Variants in TTC1 observed in about 807,000 individuals in gnomAD.
The protein encoded by TTC1 is tetratricopeptide repeat protein 1.
Under a neutral mutation model 37.6 loss-of-function variants are expected in TTC1, and 31 were observed. The ratio of observed to expected loss-of-function variants is 0.82; its 90% confidence interval spans 0.62 to 1.11. TTC1 has a LOEUF of 1.11. TTC1 is among the 50% of genes most tolerant of loss of function. The pLI, the probability that TTC1 is intolerant of heterozygous loss-of-function variation, is 0.00. For synonymous variants in TTC1, 127 were observed against 122.4 expected (o/e 1.04, Z -0.25); for missense variants, 351 against 339.0 (o/e 1.04, Z -0.28).
At chr5:160,046,992 A>G (rs886659359) in intron 5 of TTC1, among the ~76,000 whole-genome samples, 1 of 152,242 alleles carries the variant, frequency 6.6e-6, no homozygotes, top group Non-Finnish European at 1.5e-5. Context: ...AGCCTGGGTG[A>G]CAGAGCAAGA....
At position 160,012,185 on chromosome 5, in the gene TTC1, T is replaced by C. The variant is rs1293945702; in HGVS notation, c.330+1327T>C. On this transcript the variant is annotated intron_variant, in intron 2 of 7. Coordinates refer to ENST00000231238, the MANE Select transcript of TTC1 (RefSeq NM_003314.3). ...TATGTTAAAAAGTTAGTAGTGCTTT[T>C]CTGATACCTTAATATATTTTGCCCT... is the stretch of plus-strand genomic sequence containing the variant. Among the ~76,000 whole-genome samples the C allele has an allele frequency of 2.0e-5, 3 of 152,184 alleles. No individual in the cohort carries two copies. The East Asian group carries it at 5.8e-4, about 29-fold the overall frequency.
Position 160,015,589 on chromosome 5 carries a change from G to T in TTC1, c.330+4731G>T, listed in dbSNP as rs1045821521. Among the ~76,000 whole-genome samples the T allele has an allele frequency of 3.3e-5, 5 of 152,198 alleles. No homozygotes were observed. The South Asian group carries it at 6.2e-4, about 19-fold the overall frequency. Reference sequence around the variant, plus strand: ...GTGTTAAGAGGGTAGCACCCAGAGAGGGCGTGGCAGCTCTGCACCCCTTCT... The same window carrying T: ...GTGTTAAGAGGGTAGCACCCAGAGATGGCGTGGCAGCTCTGCACCCCTTCT... On this transcript the variant is annotated intron_variant, in intron 2 of 7. Transcript: ENST00000231238.
intron 2 of TTC1, among the ~76,000 whole-genome samples, chr5:160,015,171 G>A (rs752289518): frequency 1.3e-5 from 2 of 152,166 alleles, no homozygotes; most frequent in African/African-American, 2.4e-5. Flanking sequence ...TCCAGGAAAG[G>A]AGGAGGGCAA....
intron 2 of TTC1, among the ~76,000 whole-genome samples, chr5:160,028,036 A>C (rs1427167590): frequency 6.6e-6 from 1 of 152,138 alleles, no homozygotes; most frequent in Non-Finnish European, 1.5e-5. Context: ...GCGGTGGCTC[A>C]TGCCTTTAAT....
intron 2 of TTC1, among the ~76,000 whole-genome samples, chr5:160,032,682 CCTT>C (rs986338033): frequency 2.0e-5 from 3 of 147,502 alleles, no homozygotes; most frequent in Admixed American, 6.9e-5. Flanking sequence ...AACAGAGCCT[CCTT>C]GAGTTCTACC....
At position 160,035,150 on chromosome 5, in the gene TTC1, AAG is replaced by A; in HGVS notation, c.346_347del (p.Ser116HisfsTer2). ...TCTGATGTCTTTCAGAAAAGAAGAG[AAG>A]AGAGCACTAGACTAAAGGAGGAGGG... On this transcript the variant is annotated frameshift_variant, in exon 3 of 8. Coordinates refer to ENST00000231238, the MANE Select transcript of TTC1 (RefSeq NM_003314.3). LOFTEE classifies it high-confidence loss of function. 1.2e-6 allele frequency: 2 copies of A among 1,600,234 alleles called. No individual in the cohort carries two copies. Among genetic ancestry groups the A allele is most frequent in the Non-Finnish European group, 1.7e-6 (2 of 1,175,278 alleles).
At chr5:160,027,716 A>T (rs1378358721) in intron 2 of TTC1, among the ~76,000 whole-genome samples, 1 of 152,062 alleles carries the variant, frequency 6.6e-6, no homozygotes, top group Non-Finnish European at 1.5e-5. Context: ...CTTCATCTTG[A>T]GGTAGTTTTG....
rs140239238 is a variant in TTC1, at chr5:160,034,932, T to C, written c.331-208T>C. 4.4e-3 allele frequency among the ~76,000 whole-genome samples: 671 copies of C among 152,252 alleles called. 1 individual carries two copies. The highest frequency in any genetic ancestry group is 7.1e-3 in the Non-Finnish European group (484 of 68,028). ...TGCCAAGAAGACCTACATTTTTTGT[T>C]TTAAACATCAAGAATGCAATTGATA... On this transcript the variant is annotated intron_variant, in intron 2 of 7. Coordinates refer to ENST00000231238, the MANE Select transcript of TTC1 (RefSeq NM_003314.3).
Position 160,024,025 on chromosome 5 carries a change from C to T in TTC1, c.331-11115C>T, listed in dbSNP as rs977346532. Reference sequence around the variant, plus strand: ...TTGCAAAGTGGCCTTTACAGCCACACTTCTTGCAGGTAGTGTTCAATCAAT... The same window carrying T: ...TTGCAAAGTGGCCTTTACAGCCACATTTCTTGCAGGTAGTGTTCAATCAAT... On this transcript the variant is annotated intron_variant, in intron 2 of 7. Transcript: ENST00000231238. The T allele has an allele frequency of 1.7e-5, 24 of 1,388,514 alleles. No homozygotes were observed. In the Admixed American group the frequency reaches 2.2e-4, roughly 13 times the overall value. 86.0% of individuals were successfully genotyped at this position (1,388,514 alleles called of 1,614,324 possible).
chr5:160,045,497 CACACACACACACACACAT>C (rs1261063999), intron 5 of TTC1, among the ~76,000 whole-genome samples: 8 of 114,902 alleles, frequency 7.0e-5, no homozygotes, highest in South Asian at 3.1e-4. Context: ...CACACACACA[CACACACACACACACACAT>C]ACACACTCTC....
intron 1 of TTC1, among the ~76,000 whole-genome samples, chr5:160,009,985 T>G (rs1025141108): frequency 3.3e-5 from 5 of 152,234 alleles, no homozygotes; most frequent in African/African-American, 1.2e-4. Context: ...AGATTAGGGC[T>G]GCTTCCTTTT....
intron 4 of TTC1, among the ~76,000 whole-genome samples, chr5:160,037,445 G>C (rs1469600690): frequency 6.6e-6 from 1 of 152,202 alleles, no homozygotes; most frequent in Non-Finnish European, 1.5e-5. Flanking sequence ...GCCAGATGCA[G>C]TGGCTCACAC....
At chr5:160,045,547 CT>C (rs1384960607) in intron 5 of TTC1, among the ~76,000 whole-genome samples, 7 of 146,620 alleles carry the variant, frequency 4.8e-5, no homozygotes, top group African/African-American at 1.8e-4. Flanking sequence ...CTCTCTCTCT[CT>C]CTCTCCCCCT....
intron 2 of TTC1, among the ~76,000 whole-genome samples, chr5:160,025,705 G>A (rs1254595028): frequency 6.6e-6 from 1 of 152,204 alleles, no homozygotes; most frequent in Non-Finnish European, 1.5e-5. Context: ...CCACACCTGT[G>A]GAAGACAGTA....
At position 160,035,195 on chromosome 5, in the gene TTC1, A is replaced by G. The variant is rs1355278732; in HGVS notation, c.386A>G (p.Lys129Arg). 1 of 1,605,674 alleles carries G rather than the reference A, an allele frequency of 6.2e-7. No homozygotes were observed. Among genetic ancestry groups the G allele is most frequent in the African/African-American group, 1.3e-5 (1 of 74,430 alleles). ...LKEEGNEQFK[K>R]GDYIEAESSY... ...GAGGAGGGAAATGAACAGTTTAAGA[A>G]AGGAGGTAAGACGACTTTCAGCACT... The change falls in exon 3 of 8, where the codon AAA becomes AGA. Residue 129 changes from lysine (K) to arginine (R), a missense_variant. Coordinates refer to ENST00000231238, the MANE Select transcript of TTC1 (RefSeq NM_003314.3).
chr5:160,043,314 C>G lies in TTC1; in HGVS notation c.541+145C>G, dbSNP rs1388928672. On this transcript the variant is annotated intron_variant, in intron 5 of 7. Transcript: ENST00000231238. ...AACTTTATAATTATTTTCAAAGATACTATATAATAGAGTAACTGCTTTTGA... is the reference window on the plus strand; with the variant it reads ...AACTTTATAATTATTTTCAAAGATAGTATATAATAGAGTAACTGCTTTTGA... 9 of 695,792 alleles carry G rather than the reference C, an allele frequency of 1.3e-5. No individual in the cohort carries two copies. In the South Asian group the frequency reaches 1.9e-4, roughly 15 times the overall value. 43.1% of individuals were successfully genotyped at this position (695,792 alleles called of 1,614,324 possible).
chr5:160,038,380 T>C (rs1046420351), intron 4 of TTC1, among the ~76,000 whole-genome samples: 9 of 152,242 alleles, frequency 5.9e-5, no homozygotes, highest in African/African-American at 2.2e-4. Flanking sequence ...CATTGTGAAA[T>C]AGGATCAAGG....
chr5:160,058,616 G>T (rs4388243), intron 7 of TTC1, among the ~76,000 whole-genome samples: 6 of 151,638 alleles, frequency 4.0e-5, no homozygotes, highest in East Asian at 1.9e-4. Context: ...TTTCACCGTG[G>T]TAGCCAGGAT....
chr5:160,043,222 CAG>C, intron 5 of TTC1, 53 bp downstream of exon 5: 2 of 1,602,848 alleles, frequency 1.2e-6, no homozygotes, highest in Non-Finnish European at 1.7e-6. Flanking sequence ...TTATGTCAGA[CAG>C]AGGGGCTTTG....
Sources: allele counts gnomAD v4.1 joint callset (sites outside exome capture counted in the v4.1 genomes callset), GRCh38; gene constraint gnomAD v4.1.1; transcripts MANE v1.5; gene names NCBI Gene and HGNC (gene_info 2026-07-23, HGNC 2026-07-21).